SHB: variants seen among roughly 807,000 people sequenced by gnomAD.
The protein encoded by SHB is SH2 domain containing adaptor protein B.
A neutral mutation model predicts 52.3 loss-of-function variants in SHB; 20 were observed. The observed-to-expected ratio is 0.38, with a 90% CI of 0.27 to 0.56. The LOEUF (loss-of-function observed/expected upper bound fraction) is 0.56. Ranked by LOEUF, SHB falls within the 20% of genes least tolerant of loss-of-function variation. The probability of loss-of-function intolerance (pLI) is 0.71; values close to 1 mark genes in which losing one functional copy is unlikely to be tolerated. For synonymous variants in SHB, 397 were observed against 316.5 expected (o/e 1.25, Z -2.70); for missense variants, 825 against 723.3 (o/e 1.14, Z -1.61).
At chr9:37,989,076 T>C (rs1038183828) in intron 2 of SHB, among the ~76,000 whole-genome samples, 3 of 129,506 alleles carry the variant, frequency 2.3e-5, no homozygotes, top group Admixed American at 7.9e-5. Flanking sequence ...CACATGCACA[T>C]ACACACACAC....
chr9:37,931,805 C>T (rs1832314026), intron 5 of SHB, among the ~76,000 whole-genome samples: 1 of 152,148 alleles, frequency 6.6e-6, no homozygotes, highest in Admixed American at 6.5e-5. Context: ...TTTACAGCAG[C>T]GCCATTCACA....
chr9:38,040,130 G>A (rs552163646), intron 1 of SHB, among the ~76,000 whole-genome samples: 1 of 152,330 alleles, frequency 6.6e-6, no homozygotes, highest in Non-Finnish European at 1.5e-5. Flanking sequence ...TCTGCTGTGT[G>A]CAGGAAGGCG....
At chr9:38,035,334 C>T (rs921393834) in intron 1 of SHB, among the ~76,000 whole-genome samples, 13 of 151,604 alleles carry the variant, frequency 8.6e-5, no homozygotes, top group Admixed American at 1.3e-4. Context: ...CAAGCAGAAG[C>T]GGGTTGAGCA....
intron 2 of SHB, 149 bp downstream of exon 2, chr9:38,015,862 G>A: frequency 2.6e-6 from 2 of 762,178 alleles, no homozygotes; most frequent in Non-Finnish European, 4.4e-6. Flanking sequence ...CTGTGGGGAA[G>A]ACTTAATACA....
intron 1 of SHB, among the ~76,000 whole-genome samples, chr9:38,031,742 T>C (rs187581897): frequency 6.6e-6 from 1 of 152,352 alleles, no homozygotes; most frequent in East Asian, 1.9e-4. Context: ...GGGCCCAGAA[T>C]GGCCCTTATT....
At chr9:38,057,273 A>T (rs997769882) in intron 1 of SHB, among the ~76,000 whole-genome samples, 1 of 152,254 alleles carries the variant, frequency 6.6e-6, no homozygotes, top group African/African-American at 2.4e-5. Flanking sequence ...AAAAAAATAT[A>T]GACGGTATCA....
chr9:37,957,729 G>A (rs1428388986), intron 3 of SHB, among the ~76,000 whole-genome samples: 4 of 152,228 alleles, frequency 2.6e-5, no homozygotes, highest in South Asian at 2.1e-4. Flanking sequence ...CAGGGTCCTC[G>A]TGAGGAGAGA....
intron 1 of SHB, among the ~76,000 whole-genome samples, chr9:38,036,935 C>T (rs577935597): frequency 5.9e-5 from 9 of 152,286 alleles, no homozygotes; most frequent in East Asian, 5.8e-4. Context: ...GACTCAAACT[C>T]GGGTGCTGTC....
At position 38,068,451 on chromosome 9, in the gene SHB, G is replaced by C; in HGVS notation, c.195C>G (p.Ala65=). Residue 65 remains alanine (A), a synonymous_variant, in exon 1 of 6, where the codon GCC becomes GCG. Coordinates refer to ENST00000377707, the MANE Select transcript of SHB (RefSeq NM_003028.3). The part of the protein sequence containing the change: ...CGPATASCFS[A]SSGSLPDDSG... Reference sequence around the variant, plus strand: ...TGTCGTCGGGCAGCGAGCCCGAAGAGGCTGAGAAGCAGGAGGCGGTGGCCG... The same window carrying C: ...TGTCGTCGGGCAGCGAGCCCGAAGACGCTGAGAAGCAGGAGGCGGTGGCCG... 6.5e-7 allele frequency: 1 copy of C among 1,535,592 alleles called. No individual in the cohort carries two copies. Among genetic ancestry groups the C allele is most frequent in the Admixed American group, 2.0e-5 (1 of 50,968 alleles).
intron 3 of SHB, among the ~76,000 whole-genome samples, chr9:37,969,359 C>T (rs930167999): frequency 1.3e-5 from 2 of 152,150 alleles, no homozygotes; most frequent in East Asian, 3.9e-4. Context: ...GCTTCCTTAT[C>T]TGTAAAAGGA....
chr9:37,919,625 G>A lies in SHB; in HGVS notation c.*196C>T, dbSNP rs114466492. 1.9e-3 allele frequency: 961 copies of A among 492,858 alleles called. 5 individuals carry two copies. Among genetic ancestry groups the A allele is most frequent in the African/African-American group, 0.016 (838 of 51,352 alleles). 30.5% of individuals were successfully genotyped at this position (492,858 alleles called of 1,614,324 possible). On this transcript the variant is annotated 3_prime_UTR_variant, in exon 6 of 6. Coordinates refer to ENST00000377707, the MANE Select transcript of SHB (RefSeq NM_003028.3). ...GTGGGGGCTGGGGTGGTGTGTTGCC[G>A]CCCTTCTGTCTTTATCCAGGCCTTC...
chr9:37,927,938 TTCTCTTTC>T (rs1389944815), intron 5 of SHB, among the ~76,000 whole-genome samples: 6 of 148,788 alleles, frequency 4.0e-5, no homozygotes, highest in African/African-American at 1.5e-4. Context: ...CTTCCTCTCT[TTCTCTTTC>T]TCTCTTTTTT....
intron 2 of SHB, among the ~76,000 whole-genome samples, chr9:38,007,027 T>G (rs768314283): frequency 8.5e-5 from 13 of 152,224 alleles, no homozygotes; most frequent in Admixed American, 2.6e-4. Flanking sequence ...ATGGGTAGGC[T>G]ACTGCCACCT....
rs1403284972 is a variant in SHB, at chr9:37,974,549, C to T, written c.1054+73G>A. On this transcript the variant is annotated intron_variant, in intron 3 of 5. Coordinates refer to ENST00000377707, the MANE Select transcript of SHB (RefSeq NM_003028.3). Reference sequence around the variant, plus strand: ...AAACAACCCTGGAGTTTGTCCTGAGCGCAGGTGGGGACCAAGGTGAGTGCT... The same window carrying T: ...AAACAACCCTGGAGTTTGTCCTGAGTGCAGGTGGGGACCAAGGTGAGTGCT... 2.0e-5 allele frequency: 26 copies of T among 1,302,744 alleles called. 1 individual carries two copies. The Middle Eastern group carries it at 7.8e-4, about 39-fold the overall frequency. The allele number at this position is 1,302,744 out of a possible 1,614,324, so 80.7% of individuals were successfully genotyped here.
intron 5 of SHB, among the ~76,000 whole-genome samples, chr9:37,948,124 C>G (rs1225689334): frequency 6.6e-6 from 1 of 152,156 alleles, no homozygotes; most frequent in Non-Finnish European, 1.5e-5. Flanking sequence ...AGACTTTGTG[C>G]AACACCCAAA....
intron 5 of SHB, among the ~76,000 whole-genome samples, chr9:37,924,779 T>C (rs1832227915): frequency 6.6e-6 from 1 of 152,206 alleles, no homozygotes. Flanking sequence ...TTTAAGTTGT[T>C]AGAATGATCA....
intron 3 of SHB, among the ~76,000 whole-genome samples, chr9:37,956,588 G>GC (rs1832638131): frequency 6.6e-6 from 1 of 152,120 alleles, no homozygotes; most frequent in Non-Finnish European, 1.5e-5. Flanking sequence ...AGGACCCAGC[G>GC]CCCAGGTGAG....
Position 37,918,360 on chromosome 9 carries a change from CGCGTGT to C in SHB, c.*1455_*1460del, listed in dbSNP as rs759144639. Reference sequence around the variant, plus strand: ...CTGCTATGGCAAGCAAGAGAGAGGTCGCGTGTGCGTGTGCGTGTGTAGGTGTTCTTG... The same window carrying C: ...CTGCTATGGCAAGCAAGAGAGAGGTCGCGTGTGCGTGTGTAGGTGTTCTTG... On this transcript the variant is annotated 3_prime_UTR_variant, in exon 6 of 6. Transcript: ENST00000377707. 1.4e-4 allele frequency among the ~76,000 whole-genome samples: 21 copies of C among 147,438 alleles called. No homozygotes were observed. Among genetic ancestry groups the C allele is most frequent in the Non-Finnish European group, 1.8e-4 (12 of 67,024 alleles).
At chr9:38,031,016 T>C (rs1056201163) in intron 1 of SHB, among the ~76,000 whole-genome samples, 1 of 152,076 alleles carries the variant, frequency 6.6e-6, no homozygotes, top group African/African-American at 2.4e-5. Context: ...CCATCTGTCT[T>C]CACCCACATT....
Sources: allele counts gnomAD v4.1 joint callset (sites outside exome capture counted in the v4.1 genomes callset), GRCh38; gene constraint gnomAD v4.1.1; transcripts MANE v1.5; gene names NCBI Gene and HGNC (gene_info 2026-07-23, HGNC 2026-07-21).